PAPPA2: variants seen among roughly 807,000 people sequenced by gnomAD.
PAPPA2 encodes pappalysin-2.
Under a neutral mutation model 176.4 loss-of-function variants are expected in PAPPA2, and 86 were observed. The ratio of observed to expected loss-of-function variants is 0.49; its 90% confidence interval spans 0.41 to 0.58. The LOEUF is 0.58. Ranked by LOEUF, PAPPA2 falls within the 20% of genes least tolerant of loss-of-function variation. PAPPA2 has a pLI of 0.00. For missense variants in PAPPA2, 2,073 were observed against 2,256.9 expected (o/e 0.92, Z 1.65); for synonymous variants, 809 against 852.2 (o/e 0.95, Z 0.88).
chr1:176,591,085 GCACACACACACACACA>G (rs66535582), intron 2 of PAPPA2, among the ~76,000 whole-genome samples: 2,749 of 142,354 alleles, frequency 0.019, 46 homozygotes, highest in Middle Eastern at 0.058. Context: ...TCACACACAT[GCACACACACACACACA>G]CACACACACA....
chr1:176,628,260 A>G (rs1656144232), intron 3 of PAPPA2, among the ~76,000 whole-genome samples: 1 of 152,158 alleles, frequency 6.6e-6, no homozygotes. Context: ...TGATGATGAA[A>G]AATTATTATG....
At chr1:176,748,692 G>A (rs1188271920) in intron 14 of PAPPA2, among the ~76,000 whole-genome samples, 1 of 152,122 alleles carries the variant, frequency 6.6e-6, no homozygotes, top group African/African-American at 2.4e-5. Context: ...TTATAATACA[G>A]TATTTTTTGC....
chr1:176,589,761 A>C (rs566916336), intron 2 of PAPPA2, among the ~76,000 whole-genome samples: 6 of 152,230 alleles, frequency 3.9e-5, no homozygotes, highest in Non-Finnish European at 8.8e-5. Flanking sequence ...ATGTACATCC[A>C]AAATTATAAA....
chr1:176,477,426 G>A (rs1883578), intron 1 of PAPPA2, among the ~76,000 whole-genome samples: 148,163 of 152,358 alleles, frequency 0.97, 72,056 homozygotes, highest in East Asian at 1. Context: ...GATATACTCC[G>A]TTCTCTAAAC....
rs748126239 is a variant in PAPPA2, at chr1:176,800,108, A to G, written c.5178A>G (p.Leu1726=). The change falls in exon 21 of 23, where the codon TTA becomes TTG. Residue 1726 remains leucine (L), a synonymous_variant. Coordinates refer to ENST00000367662, the MANE Select transcript of PAPPA2 (RefSeq NM_020318.3). ...GRRQWHPDPV[L]VHCIQSCEPF... is the part of the protein sequence containing the mutation. ...GTCAATGGCACCCAGACCCCGTCTT[A>G]GTCCACTGCATCCAGTCATGTGAGG... The G allele has an allele frequency of 6.2e-7, 1 of 1,614,034 alleles. No homozygotes were observed. Among genetic ancestry groups the G allele is most frequent in the South Asian group, 1.1e-5 (1 of 91,072 alleles).
intron 1 of PAPPA2, among the ~76,000 whole-genome samples, chr1:176,521,826 G>T (rs1649230088): frequency 6.6e-6 from 1 of 152,172 alleles, no homozygotes; most frequent in Non-Finnish European, 1.5e-5. Context: ...CTTCTAGAAA[G>T]ATTTGGGGGG....
intron 1 of PAPPA2, among the ~76,000 whole-genome samples, chr1:176,525,180 C>T (rs1472815598): frequency 3.3e-5 from 5 of 152,174 alleles, no homozygotes; most frequent in Admixed American, 6.5e-5. Context: ...GACCCTAGTA[C>T]GGTTGCTGGC....
chr1:176,741,394 A>C (rs965193124), intron 14 of PAPPA2, among the ~76,000 whole-genome samples: 2 of 152,188 alleles, frequency 1.3e-5, no homozygotes, highest in African/African-American at 4.8e-5. Flanking sequence ...CTTGCCAAGC[A>C]GGCCTCTCCG....
At chr1:176,708,470 A>G (rs917535931) in intron 10 of PAPPA2, among the ~76,000 whole-genome samples, 1 of 152,046 alleles carries the variant, frequency 6.6e-6, no homozygotes, top group Non-Finnish European at 1.5e-5. Context: ...AGAGACAAGA[A>G]GTAAGAAGAG....
At position 176,793,658 on chromosome 1, in the gene PAPPA2, G is replaced by A. The variant is rs1228990398; in HGVS notation, c.5119G>A (p.Val1707Ile). 1.2e-6 allele frequency: 2 copies of A among 1,605,246 alleles called. No individual in the cohort carries two copies. The highest frequency in any genetic ancestry group is 1.7e-5 in the Admixed American group (1 of 59,170). ...ADTLEHWMEP[V>I]KVQSIVCTGR... ...CACTCTGGAGCACTGGATGGAACCTGTCAAAGTCCAGGTGAGGAAAGGGAC... is the reference window on the plus strand; with the variant it reads ...CACTCTGGAGCACTGGATGGAACCTATCAAAGTCCAGGTGAGGAAAGGGAC... The change falls in exon 20 of 23, where the codon GTC becomes ATC. Residue 1707 changes from valine to isoleucine, a missense_variant. By Grantham distance (29) the Val-to-Ile change is conservative. This residue lies in a region of PAPPA2 where 846 missense variants were observed against 857.9 expected (regional missense o/e 0.99). Transcript: ENST00000367662.
chr1:176,581,485 C>T (rs1048797762), intron 2 of PAPPA2, among the ~76,000 whole-genome samples: 1 of 152,098 alleles, frequency 6.6e-6, no homozygotes, highest in African/African-American at 2.4e-5. Flanking sequence ...ATGGTGTTTT[C>T]TATTTTTATG....
At chr1:176,647,003 A>T (rs1331662492) in intron 3 of PAPPA2, among the ~76,000 whole-genome samples, 1 of 151,426 alleles carries the variant, frequency 6.6e-6, no homozygotes, top group African/African-American at 2.4e-5. Flanking sequence ...CTTGATAGTG[A>T]TTGTACTAAT....
At position 176,684,344 on chromosome 1, in the gene PAPPA2, G is replaced by A. The variant is rs117067342; in HGVS notation, c.2138-5793G>A. Among the ~76,000 whole-genome samples the A allele has an allele frequency of 6.7e-4, 102 of 152,224 alleles. 1 individual carries two copies. The East Asian group carries it at 0.017, about 25-fold the overall frequency. ...GTATTCCTGGTCTTGTTATCAGTCC[G>A]TCGACAGCCTTGCAGGATGGGCGTT... On this transcript the variant is annotated intron_variant, in intron 4 of 22. Transcript: ENST00000367662.
At chr1:176,691,416 G>A (rs923014727) in intron 5 of PAPPA2, among the ~76,000 whole-genome samples, 6 of 152,150 alleles carry the variant, frequency 3.9e-5, no homozygotes, top group Middle Eastern at 3.2e-3. Context: ...CATCAGATGT[G>A]TAAGCACCAG....
chr1:176,639,414 G>C (rs1170953968), intron 3 of PAPPA2, among the ~76,000 whole-genome samples: 1 of 151,912 alleles, frequency 6.6e-6, no homozygotes, highest in African/African-American at 2.4e-5. Flanking sequence ...AAGATTGCCT[G>C]GTATAGGAAG....
intron 2 of PAPPA2, among the ~76,000 whole-genome samples, chr1:176,588,500 G>T (rs1476176118): frequency 6.6e-6 from 1 of 152,220 alleles, no homozygotes; most frequent in Non-Finnish European, 1.5e-5. Context: ...TATTTCTATA[G>T]ATGGGTCTTA....
rs1667541004 is a variant in PAPPA2 at position 176,842,984 on chromosome 1, AT to A, written c.*533del. The A allele has an allele frequency of 6.7e-6, 1 of 150,010 alleles. No homozygotes were observed. Among genetic ancestry groups the A allele is most frequent in the African/African-American group, 2.4e-5 (1 of 41,062 alleles). 9.3% of individuals were successfully genotyped at this position (150,010 alleles called of 1,614,324 possible). A position where few individuals can be genotyped will look rare whatever the true frequency, so the allele number is the denominator to read the frequency against. On this transcript the variant is annotated 3_prime_UTR_variant, in exon 23 of 23. Coordinates refer to ENST00000367662, the MANE Select transcript of PAPPA2 (RefSeq NM_020318.3). ...AGTTAGTTATTAATTCTTTATAAGT[AT>A]TTAAACATAATTATATAAATATATT...
At chr1:176,523,872 G>T (rs748725618) in intron 1 of PAPPA2, among the ~76,000 whole-genome samples, 2 of 152,202 alleles carry the variant, frequency 1.3e-5, no homozygotes, top group Non-Finnish European at 2.9e-5. Flanking sequence ...CCCCACTTTT[G>T]TACCTTGGCA....
At chr1:176,716,613 T>G (rs1661386321) in intron 12 of PAPPA2, among the ~76,000 whole-genome samples, 1 of 147,838 alleles carries the variant, frequency 6.8e-6, no homozygotes, top group South Asian at 2.1e-4. Flanking sequence ...TTTTTTTTTT[T>G]TTTTTTTTTG....
Sources: gnomAD v4.1 joint callset for allele counts (sites outside exome capture counted in the v4.1 genomes callset) on GRCh38, gnomAD v4.1.1 for gene constraint, gnomAD v4.1.1 regional missense constraint, MANE v1.5 for transcripts, NCBI Gene and HGNC (gene_info 2026-07-23, HGNC 2026-07-21) for gene names.